Variants in CD44 observed in about 807,000 individuals in gnomAD.
The protein encoded by CD44 is CD44 antigen.
A neutral mutation model predicts 88.8 loss-of-function variants in CD44; 49 were observed. The observed-to-expected ratio is 0.55, with a 90% CI of 0.44 to 0.70. The LOEUF is 0.70. Ranked by LOEUF, CD44 falls within the 30% of genes least tolerant of loss-of-function variation. CD44 has a pLI of 0.00. For synonymous variants in CD44, 325 were observed against 312.3 expected, an observed-to-expected ratio of 1.04 and a Z score of -0.43; for missense variants, 883 against 913.8, an observed-to-expected ratio of 0.97 and a Z score of 0.43.
At chr11:35,166,688 C>T (rs889477197) in intron 1 of CD44, among the ~76,000 whole-genome samples, 10 of 152,244 alleles carry the variant, frequency 6.6e-5, no homozygotes, top group African/African-American at 2.2e-4. Context: ...GGCGCCAAGA[C>T]GTTGGGGTGC....
intron 3 of CD44, among the ~76,000 whole-genome samples, chr11:35,181,816 T>C (rs1461888288): frequency 8.9e-5 from 10 of 112,522 alleles, no homozygotes; most frequent in Non-Finnish European, 1.7e-4. Flanking sequence ...TTTATATATT[T>C]AAATATATAT....
At chr11:35,222,241 C>T in intron 17 of CD44, 2 of 391,136 alleles carry the variant, frequency 5.1e-6, no homozygotes, top group Middle Eastern at 6.3e-4. Flanking sequence ...CCCAGGGAAC[C>T]TTTAAGAACT....
chr11:35,161,917 A>T (rs955322691), intron 1 of CD44, among the ~76,000 whole-genome samples: 5 of 152,222 alleles, frequency 3.3e-5, no homozygotes, highest in Non-Finnish European at 7.3e-5. Context: ...CCATGAGTTC[A>T]TAAAAGAGTG....
chr11:35,139,393 G>A, intron 1 of CD44, 23 bp downstream of exon 1: 12 of 1,553,258 alleles, frequency 7.7e-6, no homozygotes, highest in Non-Finnish European at 1.0e-5. Flanking sequence ...CGCAGCCTGG[G>A]CAGCAAGATG....
chr11:35,222,940 T>G, intron 17 of CD44: 1 of 985,376 alleles, frequency 1.0e-6, no homozygotes, highest in Non-Finnish European at 1.2e-6. Flanking sequence ...CCTTACTGGT[T>G]TTTGGAAAGC....
At chr11:35,160,147 G>A (rs763934866) in intron 1 of CD44, among the ~76,000 whole-genome samples, 20 of 152,198 alleles carry the variant, frequency 1.3e-4, no homozygotes, top group Non-Finnish European at 2.5e-4. Flanking sequence ...CAGCTCCTCA[G>A]GTGAGGATTG....
chr11:35,223,632 T>G (rs1949479574), intron 17 of CD44, among the ~76,000 whole-genome samples: 1 of 152,116 alleles, frequency 6.6e-6, no homozygotes, highest in African/African-American at 2.4e-5. Flanking sequence ...ACACACAGGG[T>G]CCGGCACAGC....
At chr11:35,139,608 G>A (rs533819475) in intron 1 of CD44, 11 of 746,082 alleles carry the variant, frequency 1.5e-5, no homozygotes, top group Non-Finnish European at 2.0e-5. Context: ...TGTTGGGCAG[G>A]CTGCCGGCGC....
chr11:35,142,179 TC>T (rs968258174), intron 1 of CD44, among the ~76,000 whole-genome samples: 14 of 151,798 alleles, frequency 9.2e-5, no homozygotes, highest in Non-Finnish European at 4.4e-5. Flanking sequence ...GGTGAGGGGA[TC>T]TTTTTTTTTA....
chr11:35,177,908 T>A (rs1328788103), intron 2 of CD44, among the ~76,000 whole-genome samples: 2 of 152,244 alleles, frequency 1.3e-5, no homozygotes, highest in Non-Finnish European at 2.9e-5. Context: ...CAGTGGCTAC[T>A]GTACTGGATG....
intron 1 of CD44, among the ~76,000 whole-genome samples, chr11:35,149,838 A>G (rs1237116260): frequency 6.6e-6 from 1 of 152,246 alleles, no homozygotes; most frequent in Non-Finnish European, 1.5e-5. Flanking sequence ...TGCCAGAAAT[A>G]AACATATGGA....
intron 5 of CD44, among the ~76,000 whole-genome samples, chr11:35,191,393 G>A (rs1395662455): frequency 1.3e-5 from 2 of 152,180 alleles, no homozygotes; most frequent in East Asian, 1.9e-4. Context: ...TTTTCAAGCT[G>A]CCCATACTTT....
chr11:35,221,968 G>A lies in CD44; in HGVS notation c.2024+236G>A, dbSNP rs56187764. ...AGCTTAAGACATCTTTCTCTGCCCC[G>A]GTTTTTAGAGACAGGAGACACCTGT... On this transcript the variant is annotated intron_variant, in intron 17 of 17. Transcript: ENST00000428726. Among the ~76,000 whole-genome samples the A allele has an allele frequency of 2.0e-4, 30 of 152,216 alleles. 1 individual carries two copies. The East Asian group carries it at 5.4e-3, about 27-fold the overall frequency.
In CD44 at chr11:35,181,684, A is replaced by ATATATATATTTATTTATATATATT. The variant is rs1308296252; in HGVS notation, c.367+1282_367+1305dup. Among the ~76,000 whole-genome samples, 10 of 125,292 alleles carry ATATATATATTTATTTATATATATT rather than the reference A, an allele frequency of 8.0e-5. No homozygotes were observed. In the South Asian group the frequency reaches 2.3e-3, roughly 29 times the overall value. 82.2% of individuals were successfully genotyped at this position (125,292 alleles called of 152,430 possible). On this transcript the variant is annotated intron_variant, in intron 3 of 17. Coordinates refer to ENST00000428726, the MANE Select transcript of CD44 (RefSeq NM_000610.4). Reference sequence around the variant, plus strand: ...TATACATATACATATATATATATTTATATATATATTTATTTATATATATTT... The same window carrying ATATATATATTTATTTATATATATT: ...TATACATATACATATATATATATTTATATATATATTTATTTATATATATTTATATATATTTATTTATATATATTT...
chr11:35,217,549 T>G (rs1026939120), intron 15 of CD44, among the ~76,000 whole-genome samples: 2 of 152,060 alleles, frequency 1.3e-5, no homozygotes, highest in African/African-American at 4.8e-5. Context: ...AAGGCCACTG[T>G]CAACATAGGA....
rs1313102062 is a variant in CD44, at chr11:35,209,997, C to T, written c.1549C>T (p.His517Tyr). 1.3e-6 allele frequency: 2 copies of T among 1,576,152 alleles called. No individual in the cohort carries two copies. Among genetic ancestry groups the T allele is most frequent in the Non-Finnish European group, 1.7e-6 (2 of 1,165,212 alleles). ...TAATTCTCAGAGCTTCTCTACATCA[C>T]ATGAAGGCTTGGAAGAAGATAAAGA... Reference protein sequence around the residue: ...QSNSQSFSTSHEGLEEDKDHP... With the variant: ...QSNSQSFSTSYEGLEEDKDHP... Residue 517 changes from histidine (H) to tyrosine (Y), a missense_variant, in exon 13 of 18, where the codon CAT becomes TAT. This residue lies in a region of CD44 where 631 missense variants were observed against 590.9 expected (regional missense o/e 1.07). Transcript: ENST00000428726.
rs116452356 is a variant in CD44, at chr11:35,221,133, C to T, written c.1946-521C>T. Among the ~76,000 whole-genome samples the T allele has an allele frequency of 1.9e-3, 286 of 152,310 alleles. 1 individual carries two copies. Among genetic ancestry groups the T allele is most frequent in the African/African-American group, 6.5e-3 (272 of 41,556 alleles). On this transcript the variant is annotated intron_variant, in intron 16 of 17. Coordinates refer to ENST00000428726, the MANE Select transcript of CD44 (RefSeq NM_000610.4). ...TTACACGGTGTTTAGCAAACATTGC[C>T]TACTGGTTAACCATGGCTTCCATGT...
At chr11:35,193,767 T>G (rs994346443) in intron 5 of CD44, among the ~76,000 whole-genome samples, 1 of 152,218 alleles carries the variant, frequency 6.6e-6, no homozygotes, top group Non-Finnish European at 1.5e-5. Context: ...AGTCTGGAAT[T>G]TCTCTAACTT....
intron 3 of CD44, among the ~76,000 whole-genome samples, chr11:35,184,563 T>C (rs1945467530): frequency 6.6e-6 from 1 of 152,242 alleles, no homozygotes; most frequent in African/African-American, 2.4e-5. Flanking sequence ...CCAGGTTGGC[T>C]ATATGCCCTT....
Sources: gnomAD v4.1 joint callset for allele counts (sites outside exome capture counted in the v4.1 genomes callset) on GRCh38, gnomAD v4.1.1 for gene constraint, gnomAD v4.1.1 regional missense constraint, MANE v1.5 for transcripts, NCBI Gene and HGNC (gene_info 2026-07-23, HGNC 2026-07-21) for gene names.